The following CCDC175 variants were observed in gnomAD, a reference collection of about 807,000 sequenced individuals.
The protein encoded by CCDC175 is coiled-coil domain containing 175.
A neutral mutation model predicts 114.6 loss-of-function variants in CCDC175; 100 were observed. The observed-to-expected ratio is 0.87, with a 90% CI of 0.74 to 1.03. The LOEUF (loss-of-function observed/expected upper bound fraction) is 1.03, where lower values mean the gene tolerates loss of function less well. Ranked by LOEUF, CCDC175 falls within the 50% of genes least tolerant of loss-of-function variation. The probability of loss-of-function intolerance (pLI) is 0.00; values close to 1 mark genes in which losing one functional copy is unlikely to be tolerated. For synonymous variants in CCDC175, 306 were observed against 308.7 expected (o/e 0.99, Z 0.09); for missense variants, 880 against 917.8 (o/e 0.96, Z 0.53).
chr14:59,508,399 T>TACACACACACACACACACACACACACAC lies in CCDC175; in HGVS notation c.2305+2219_2305+2246dup, dbSNP rs71451066. On this transcript the variant is annotated intron_variant, in intron 19 of 19. Coordinates refer to ENST00000537690, the MANE Select transcript of CCDC175 (RefSeq NM_001164399.2). ...ACATGGCATAACCTCGTCTCCAAAA[T>TACACACACACACACACACACACACACAC]ACACACACACACACACACACACACA... Among the ~76,000 whole-genome samples the TACACACACACACACACACACACACACAC allele has an allele frequency of 6.8e-3, 662 of 97,346 alleles. 28 individuals are homozygous for TACACACACACACACACACACACACACAC. The highest frequency in any genetic ancestry group is 0.016 in the Middle Eastern group (3 of 192). The allele number at this position is 97,346 out of a possible 152,430, so 63.9% of individuals were successfully genotyped here.
chr14:59,546,737 G>A (rs2140056250), intron 8 of CCDC175, among the ~76,000 whole-genome samples: 1 of 152,228 alleles, frequency 6.6e-6, no homozygotes, highest in African/African-American at 2.4e-5. Context: ...TTGGAAGGCT[G>A]AGGCAGGAGG....
chr14:59,574,585 T>C (rs980330627), intron 2 of CCDC175, among the ~76,000 whole-genome samples: 3 of 152,234 alleles, frequency 2.0e-5, no homozygotes, highest in South Asian at 2.1e-4. Context: ...ATTCCAGAGA[T>C]TGTGTGTTTG....
At position 59,515,499 on chromosome 14, in the gene CCDC175, A is replaced by C. The variant is rs573987279; in HGVS notation, c.2099-3696T>G. On this transcript the variant is annotated intron_variant, in intron 17 of 19. Coordinates refer to ENST00000537690, the MANE Select transcript of CCDC175 (RefSeq NM_001164399.2). ...CTACCAAACAAATGGAAAACAAAAA[A>C]AGGCAGGGGTTGCAATCCTAGTCTC... Among the ~76,000 whole-genome samples the C allele has an allele frequency of 7.7e-3, 1,171 of 152,320 alleles. 14 individuals are homozygous for C. Among genetic ancestry groups the C allele is most frequent in the African/African-American group, 0.026 (1,095 of 41,556 alleles).
chr14:59,576,248 G>T (rs1897114626), intron 1 of CCDC175, among the ~76,000 whole-genome samples: 1 of 152,122 alleles, frequency 6.6e-6, no homozygotes, highest in African/African-American at 2.4e-5. Flanking sequence ...GCAAAATGTC[G>T]GAGGAAGTTA....
In CCDC175 at chr14:59,554,112, A is replaced by G. The variant is rs532411238; in HGVS notation, c.954-2676T>C. ...ATTGAACTCAGCTCTGCACCAAGCC[A>G]ACCTAATAGACATCTACAGAACTCT... On this transcript the variant is annotated intron_variant, in intron 7 of 19. Coordinates refer to ENST00000537690, the MANE Select transcript of CCDC175 (RefSeq NM_001164399.2). Among the ~76,000 whole-genome samples, 739 of 152,260 alleles carry G rather than the reference A, an allele frequency of 4.9e-3. 2 individuals carry two copies. The highest frequency in any genetic ancestry group is 0.016 in the African/African-American group (680 of 41,536).
chr14:59,543,910 G>T (rs1406003277), intron 9 of CCDC175, among the ~76,000 whole-genome samples: 1 of 152,098 alleles, frequency 6.6e-6, no homozygotes, highest in Non-Finnish European at 1.5e-5. Context: ...TCTCTGAGTG[G>T]GTGTGTCTCT....
chr14:59,546,346 A>C (rs965915995), intron 8 of CCDC175, among the ~76,000 whole-genome samples: 8 of 152,226 alleles, frequency 5.3e-5, no homozygotes, highest in African/African-American at 1.9e-4. Context: ...GAAGGGTTGG[A>C]AAACTACCTA....
intron 17 of CCDC175, among the ~76,000 whole-genome samples, chr14:59,514,056 G>T (rs1399323913): frequency 1.3e-5 from 2 of 152,124 alleles, no homozygotes; most frequent in Non-Finnish European, 2.9e-5. Flanking sequence ...AGGCAAACGG[G>T]GTCTGGAGTG....
intron 7 of CCDC175, among the ~76,000 whole-genome samples, chr14:59,559,026 T>G (rs1331732238): frequency 6.6e-6 from 1 of 152,152 alleles, no homozygotes; most frequent in Non-Finnish European, 1.5e-5. Flanking sequence ...ATTATGAATT[T>G]GAGAACTTTC....
At chr14:59,557,585 T>C (rs1266720770) in intron 7 of CCDC175, among the ~76,000 whole-genome samples, 1 of 149,936 alleles carries the variant, frequency 6.7e-6, no homozygotes, top group Non-Finnish European at 1.5e-5. Flanking sequence ...CTGCATGTTG[T>C]GCACATGTAC....
intron 17 of CCDC175, among the ~76,000 whole-genome samples, chr14:59,516,014 C>G (rs1893059409): frequency 6.6e-6 from 1 of 152,190 alleles, no homozygotes; most frequent in South Asian, 2.1e-4. Context: ...TTAAGAAACT[C>G]ACTCAAAATC....
chr14:59,538,243 A>T, intron 12 of CCDC175, 89 bp from the exon 13 acceptor site: 2 of 1,095,054 alleles, frequency 1.8e-6, no homozygotes, highest in Non-Finnish European at 2.5e-6. Context: ...ATCTCTTTGC[A>T]GGAGGCCTGC....
At chr14:59,573,536 T>G (rs1057215263) in intron 2 of CCDC175, among the ~76,000 whole-genome samples, 1 of 152,160 alleles carries the variant, frequency 6.6e-6, no homozygotes, top group African/African-American at 2.4e-5. Context: ...GTCCTTTTGC[T>G]TATCTATTTT....
intron 8 of CCDC175, among the ~76,000 whole-genome samples, chr14:59,546,691 A>G (rs1895131798): frequency 6.6e-6 from 1 of 151,858 alleles, no homozygotes; most frequent in Non-Finnish European, 1.5e-5. Flanking sequence ...TAAACCTCCC[A>G]CTATTTTAGT....
At chr14:59,563,909 A>G in intron 5 of CCDC175, 50 bp from the exon 6 acceptor site, 8 of 1,219,306 alleles carry the variant, frequency 6.6e-6, no homozygotes, top group Non-Finnish European at 7.4e-6. Context: ...TTAGCACAAC[A>G]AAGTTTAAAA....
chr14:59,553,062 C>T (rs1352978063), intron 7 of CCDC175, among the ~76,000 whole-genome samples: 4 of 152,178 alleles, frequency 2.6e-5, no homozygotes, highest in Admixed American at 6.5e-5. Flanking sequence ...TTCAGGAGAA[C>T]TTCCCAACCT....
intron 7 of CCDC175, among the ~76,000 whole-genome samples, chr14:59,552,265 C>T (rs138658175): frequency 2.6e-4 from 40 of 152,330 alleles, no homozygotes; most frequent in African/African-American, 7.9e-4. Context: ...ACCTCTGAGA[C>T]GAAGCTTGCA....
intron 17 of CCDC175, among the ~76,000 whole-genome samples, chr14:59,518,129 T>C (rs1348634825): frequency 6.6e-6 from 1 of 152,196 alleles, no homozygotes; most frequent in Non-Finnish European, 1.5e-5. Flanking sequence ...TGGAGAAAGC[T>C]GAAACTGGAT....
intron 17 of CCDC175, among the ~76,000 whole-genome samples, chr14:59,521,053 T>A (rs1487197381): frequency 6.6e-6 from 1 of 152,224 alleles, no homozygotes; most frequent in African/African-American, 2.4e-5. Flanking sequence ...ATTGTCAACT[T>A]GACTGGATTG....
Sources: gnomAD v4.1 joint callset for allele counts (sites outside exome capture counted in the v4.1 genomes callset) on GRCh38, gnomAD v4.1.1 for gene constraint, MANE v1.5 for transcripts, NCBI Gene and HGNC (gene_info 2026-07-23, HGNC 2026-07-21) for gene names.